The following EEIG2 variants were observed in gnomAD, a reference collection of about 807,000 sequenced individuals.
The protein encoded by EEIG2 is family with sequence similarity 102 member B.
At chr1:108,572,684 C>T in the EEIG2 span, among the ~76,000 whole-genome samples, 1,470 of 152,162 alleles carry the variant, frequency 9.7e-3, 23 homozygotes, top group African/African-American at 0.034. Context: ...GGTGCGATCT[C>T]GGCTCACTGC....
the EEIG2 span, among the ~76,000 whole-genome samples, chr1:108,607,933 C>A: frequency 3.9e-5 from 6 of 152,140 alleles, no homozygotes; most frequent in African/African-American, 1.4e-4. Flanking sequence ...AATAATCTTT[C>A]TAAAATTAAA....
the EEIG2 span, among the ~76,000 whole-genome samples, chr1:108,630,911 A>G: frequency 6.6e-6 from 1 of 152,220 alleles, no homozygotes; most frequent in African/African-American, 2.4e-5. Context: ...AGAATTTTGC[A>G]TTCATTTCTT....
At chr1:108,606,291 T>C in the EEIG2 span, 1 of 1,401,642 alleles carries the variant, frequency 7.1e-7, no homozygotes, top group East Asian at 2.4e-5. Context: ...GAACATGTAA[T>C]GTTGCTTATT....
chr1:108,631,361 CA>C, the EEIG2 span, among the ~76,000 whole-genome samples: 4 of 152,226 alleles, frequency 2.6e-5, no homozygotes, highest in Non-Finnish European at 4.4e-5. Flanking sequence ...GCTACAGTAG[CA>C]GAGCTGAGTG....
At chr1:108,625,822 G>T in the EEIG2 span, 8,585 of 31,078 alleles carry the variant, frequency 0.28, 426 homozygotes, top group Admixed American at 0.4. Flanking sequence ...GTGTGTGTGT[G>T]TGTGTGGAGA....
the EEIG2 span, among the ~76,000 whole-genome samples, chr1:108,572,662 C>CTGGA: frequency 2.0e-5 from 3 of 152,140 alleles, no homozygotes; most frequent in Admixed American, 2.0e-4. Context: ...GTCGCCCAGG[C>CTGGA]TGGAGTGCAA....
chr1:108,590,100 T>C, the EEIG2 span, among the ~76,000 whole-genome samples: 1 of 151,934 alleles, frequency 6.6e-6, no homozygotes, highest in Non-Finnish European at 1.5e-5. Context: ...TTTCCCTCAC[T>C]CCCTAATCCC....
At chr1:108,583,177 A>G in the EEIG2 span, among the ~76,000 whole-genome samples, 1 of 151,820 alleles carries the variant, frequency 6.6e-6, no homozygotes, top group Non-Finnish European at 1.5e-5. Flanking sequence ...TTTTTTTTGA[A>G]ACAGGGTCTC....
At chr1:108,573,492 T>A in the EEIG2 span, among the ~76,000 whole-genome samples, 1 of 152,198 alleles carries the variant, frequency 6.6e-6, no homozygotes, top group East Asian at 1.9e-4. Context: ...GTAACTACAG[T>A]CTTTGTTAGG....
chr1:108,626,695 C>T, the EEIG2 span: 1 of 152,212 alleles, frequency 6.6e-6, no homozygotes, highest in African/African-American at 2.4e-5. Context: ...CTTCTTTAAA[C>T]TCATAGAAGG....
At chr1:108,616,826 T>C in the EEIG2 span, among the ~76,000 whole-genome samples, 4 of 152,198 alleles carry the variant, frequency 2.6e-5, no homozygotes, top group Non-Finnish European at 4.4e-5. Flanking sequence ...CTGGAGCTTA[T>C]ATTCTAAGAG....
the EEIG2 span, among the ~76,000 whole-genome samples, chr1:108,590,915 T>C: frequency 6.6e-6 from 1 of 152,224 alleles, no homozygotes; most frequent in Non-Finnish European, 1.5e-5. Context: ...TATTTTACTT[T>C]TATTTTTTAA....
At chr1:108,620,344 TACCATAA>T in the EEIG2 span, among the ~76,000 whole-genome samples, 1 of 11,162 alleles carries the variant, frequency 9.0e-5, no homozygotes, top group Non-Finnish European at 2.4e-3. Context: ...ACCAATTATA[TACCATAA>T]GGCCAGAATT....
At chr1:108,606,274 T>G in the EEIG2 span, 7 of 1,527,006 alleles carry the variant, frequency 4.6e-6, no homozygotes, top group Admixed American at 5.6e-5. Flanking sequence ...TTCTTTTAAC[T>G]GTTTTGGAAC....
At chr1:108,624,699 A>G in the EEIG2 span, 9 of 1,614,132 alleles carry the variant, frequency 5.6e-6, no homozygotes, top group East Asian at 2.2e-5. Flanking sequence ...AATCTTTGCA[A>G]GAAGATAGAA....
the EEIG2 span, among the ~76,000 whole-genome samples, chr1:108,597,599 G>C: frequency 6.6e-6 from 1 of 152,120 alleles, no homozygotes; most frequent in Non-Finnish European, 1.5e-5. Context: ...CCTTCTCTTG[G>C]CTTTTACTAT....
the EEIG2 span, chr1:108,626,611 T>C: frequency 6.6e-6 from 1 of 152,258 alleles, no homozygotes; most frequent in African/African-American, 2.4e-5. Flanking sequence ...CTGTTTATCC[T>C]GTTGCCAGAG....
At chr1:108,572,467 T>G in the EEIG2 span, among the ~76,000 whole-genome samples, 1 of 151,994 alleles carries the variant, frequency 6.6e-6, no homozygotes, top group African/African-American at 2.4e-5. Context: ...ACTCTTGGTG[T>G]TGTACATTCT....
At chr1:108,600,477 C>A in the EEIG2 span, 1 of 1,424,148 alleles carries the variant, frequency 7.0e-7, no homozygotes, top group Non-Finnish European at 9.6e-7. Flanking sequence ...ATTACTTTTG[C>A]ATGTTAGACT....
Sources: gnomAD v4.1 joint callset for allele counts (sites outside exome capture counted in the v4.1 genomes callset) on GRCh38, gnomAD v4.1.1 for gene constraint, MANE v1.5 for transcripts, NCBI Gene and HGNC (gene_info 2026-07-23, HGNC 2026-07-21) for gene names.